SEC13: variants seen among roughly 807,000 people sequenced by gnomAD.
The protein encoded by SEC13 is SEC13 homolog, nuclear pore and COPII component, also known as protein SEC13 homolog.
SEC13 carries 25 observed loss-of-function variants against 49.2 expected under a neutral mutation model. That is an observed-to-expected ratio of 0.51 (90% CI 0.37 to 0.71). SEC13 has a LOEUF of 0.71. Among genes scored for constraint, SEC13 ranks in the 30% least tolerant of loss-of-function variants. The probability of loss-of-function intolerance (pLI) is 0.00; values close to 1 mark genes in which losing one functional copy is unlikely to be tolerated. For missense variants in SEC13, 383 were observed against 417.6 expected, an observed-to-expected ratio of 0.92 and a Z score of 0.72; for synonymous variants, 148 against 163.9, an observed-to-expected ratio of 0.90 and a Z score of 0.74.
At chr3:10,301,592 G>GTCAACACAGGATACTGTTT (rs1700520312) in intron 8 of SEC13, among the ~76,000 whole-genome samples, 1 of 152,246 alleles carries the variant, frequency 6.6e-6, no homozygotes, top group South Asian at 2.1e-4. Context: ...GGATGATGAT[G>GTCAACACAGGATACTGTTT]TCAACACAGG....
chr3:10,307,710 G>C (rs747803401), intron 5 of SEC13, among the ~76,000 whole-genome samples: 12 of 152,122 alleles, frequency 7.9e-5, no homozygotes, highest in Non-Finnish European at 1.3e-4. Flanking sequence ...TACAACACAT[G>C]GGCATTCAAA....
intron 2 of SEC13, among the ~76,000 whole-genome samples, chr3:10,315,951 A>G (rs746453436): frequency 6.6e-6 from 1 of 152,150 alleles, no homozygotes; most frequent in African/African-American, 2.4e-5. Context: ...TTCCATTCAG[A>G]TATTTGGGCT....
intron 3 of SEC13, chr3:10,313,084 G>A (rs1701383291): frequency 4.0e-6 from 1 of 250,070 alleles, no homozygotes; most frequent in Non-Finnish European, 8.0e-6. Flanking sequence ...CCAGCCAGAA[G>A]TGTTCAGGAA....
In SEC13 at chr3:10,318,089, T is replaced by C. The variant is rs1335515984; in HGVS notation, c.9A>G (p.Ser3=). 3.7e-6 allele frequency: 6 copies of C among 1,600,952 alleles called. No homozygotes were observed. Among genetic ancestry groups the C allele is most frequent in the Non-Finnish European group, 5.1e-6 (6 of 1,168,454 alleles). Residue 3 remains serine, a synonymous_variant, in exon 2 of 9, where the codon TCA becomes TCG. Transcript: ENST00000350697. MV[S]VINTVDTSHE... ...GGGAGGTATCCACAGTGTTAATTACTGACACCTAGAACCAAAGATATCACT... is the reference window on the plus strand; with the variant it reads ...GGGAGGTATCCACAGTGTTAATTACCGACACCTAGAACCAAAGATATCACT...
intron 3 of SEC13, 123 bp from the exon 4 acceptor site, chr3:10,312,853 G>T: frequency 1.0e-6 from 1 of 968,176 alleles, no homozygotes; most frequent in Non-Finnish European, 1.6e-6. Flanking sequence ...TTCAAAGGGA[G>T]AACTATACAA....
intron 1 of SEC13, among the ~76,000 whole-genome samples, chr3:10,319,807 G>C (rs1406748307): frequency 5.4e-4 from 26 of 48,262 alleles, no homozygotes; most frequent in South Asian, 1.8e-3. Flanking sequence ...GGCGGGGGGG[G>C]GGGGGGGGGA....
chr3:10,301,255 G>T lies in SEC13; in HGVS notation c.*6C>A. The T allele has an allele frequency of 6.2e-7, 1 of 1,614,184 alleles. No homozygotes were observed. Among genetic ancestry groups the T allele is most frequent in the Non-Finnish European group, 8.5e-7 (1 of 1,180,026 alleles). ...GCGGGTGGGGAGCCAGGCCCCACCTGTCTTGTCACTGCTCGTTCTGCTGGC... is the reference window on the plus strand; with the variant it reads ...GCGGGTGGGGAGCCAGGCCCCACCTTTCTTGTCACTGCTCGTTCTGCTGGC... On this transcript the variant is annotated 3_prime_UTR_variant, in exon 9 of 9. Coordinates refer to ENST00000350697, the MANE Select transcript of SEC13 (RefSeq NM_183352.3).
chr3:10,319,093 A>G, intron 1 of SEC13: 1 of 1,531,562 alleles, frequency 6.5e-7, no homozygotes, highest in Non-Finnish European at 8.9e-7. Context: ...TTGGGATAGA[A>G]AAGAGGACTT....
At chr3:10,320,870 C>T (rs1272421134) in intron 1 of SEC13, 180 bp downstream of exon 1, 4 of 1,398,902 alleles carry the variant, frequency 2.9e-6, no homozygotes, top group Non-Finnish European at 3.7e-6. Context: ...CTCGGCCTCA[C>T]CTCTGGACTC....
chr3:10,311,940 C>T (rs1384963725), intron 5 of SEC13, 25 bp downstream of exon 5: 17 of 1,614,134 alleles, frequency 1.1e-5, no homozygotes, highest in African/African-American at 2.7e-5. Flanking sequence ...GCTCTCACTG[C>T]ACGAAAGGCA....
At chr3:10,313,311 A>G (rs1443481132) in intron 3 of SEC13, 1 of 404,624 alleles carries the variant, frequency 2.5e-6, no homozygotes, top group Non-Finnish European at 5.4e-6. Flanking sequence ...TCTCTGGCCC[A>G]GGGAAGGTTT....
intron 4 of SEC13, 67 bp from the exon 5 acceptor site, chr3:10,312,165 A>G: frequency 6.6e-7 from 1 of 1,509,466 alleles, no homozygotes. Context: ...CGCCTTCCAC[A>G]GATTTACTGT....
intron 5 of SEC13, among the ~76,000 whole-genome samples, chr3:10,307,759 G>C (rs1418090550): frequency 6.6e-6 from 1 of 152,046 alleles, no homozygotes; most frequent in Non-Finnish European, 1.5e-5. Context: ...CCACATCATG[G>C]GGCTTTGCCA....
At chr3:10,320,029 ACTT>A (rs1377056600) in intron 1 of SEC13, among the ~76,000 whole-genome samples, 3 of 138,162 alleles carry the variant, frequency 2.2e-5, no homozygotes, top group East Asian at 2.4e-4. Flanking sequence ...GAGAGAGAGA[ACTT>A]CTTAGAGTAC....
At chr3:10,315,039 C>T (rs1332454811) in intron 3 of SEC13, 1 of 333,370 alleles carries the variant, frequency 3.0e-6, no homozygotes, top group East Asian at 6.1e-5. Flanking sequence ...GATGAAGGCT[C>T]TGAGAGAGAA....
chr3:10,306,547 C>CAGAT (rs1040009040), intron 5 of SEC13, among the ~76,000 whole-genome samples: 13 of 152,168 alleles, frequency 8.5e-5, no homozygotes, highest in African/African-American at 2.4e-4. Context: ...TGGAATGCTC[C>CAGAT]AGATAGGGAC....
chr3:10,317,942 G>A lies in SEC13; in HGVS notation c.48+108C>T, dbSNP rs1249281093. The A allele has an allele frequency of 9.6e-6, 7 of 726,314 alleles. No individual in the cohort carries two copies. The East Asian group carries it at 1.9e-4, about 19-fold the overall frequency. The allele number at this position is 726,314 out of a possible 1,614,324, so 45.0% of individuals were successfully genotyped here. On this transcript the variant is annotated intron_variant, in intron 2 of 8. Transcript: ENST00000350697. ...AGGCAACCACTGCAAAGCCACCCTG[G>A]ATCCATGAATGATCAACAGAAAGGG...
At chr3:10,320,515 G>A (rs1429906100) in intron 1 of SEC13, 4 of 985,574 alleles carry the variant, frequency 4.1e-6, no homozygotes, top group Non-Finnish European at 3.6e-6. Context: ...CTACCTGGGG[G>A]CCCTACCCCG....
chr3:10,306,533 T>C lies in SEC13; in HGVS notation c.451-841A>G, dbSNP rs888107064. Among the ~76,000 whole-genome samples the C allele has an allele frequency of 6.6e-5, 10 of 152,356 alleles. 1 individual carries two copies. The highest frequency in any genetic ancestry group is 3.4e-3 in the Middle Eastern group (1 of 294). On this transcript the variant is annotated intron_variant, in intron 5 of 8. Coordinates refer to ENST00000350697, the MANE Select transcript of SEC13 (RefSeq NM_183352.3). ...ATTCCATCCTTTCTTTGTCATTTAT[T>C]CCATGGAATGCTCCAGATAGGGACA...
Sources: gnomAD v4.1 joint callset for allele counts (sites outside exome capture counted in the v4.1 genomes callset) on GRCh38, gnomAD v4.1.1 for gene constraint, MANE v1.5 for transcripts, NCBI Gene and HGNC (gene_info 2026-07-23, HGNC 2026-07-21) for gene names.